The following PMF1 variants were observed in gnomAD, a reference collection of about 807,000 sequenced individuals.
The protein encoded by PMF1 is polyamine modulated factor 1.
A neutral mutation model predicts 26.7 loss-of-function variants in PMF1; 21 were observed. The ratio of observed to expected loss-of-function variants is 0.79; its 90% CI spans 0.56 to 1.13. The LOEUF (loss-of-function observed/expected upper bound fraction) is 1.13. Among genes scored for constraint, PMF1 ranks in the 50% most tolerant of loss-of-function variants. The probability of loss-of-function intolerance (pLI) is 0.00; values close to 1 mark genes in which losing one functional copy is unlikely to be tolerated. For missense variants in PMF1, 266 were observed against 254.9 expected (o/e 1.04, Z -0.30); for synonymous variants, 105 against 101.0 (o/e 1.04, Z -0.24).
rs772709878 is a variant in PMF1 at position 156,228,256 on chromosome 1, A to ATTTTTTTTTTTT, written c.162-4043_162-4032dup. On this transcript the variant is annotated intron_variant, in intron 1 of 4. Coordinates refer to ENST00000368277, the MANE Select transcript of PMF1 (RefSeq NM_007221.4). Reference sequence around the variant, plus strand: ...CAGGCGTGAGCCACCGCACCTGGCGATTTTTTTTTTTTTTTTTTTTTTTTT... The same window carrying ATTTTTTTTTTTT: ...CAGGCGTGAGCCACCGCACCTGGCGATTTTTTTTTTTTTTTTTTTTTTTTTTTTTTTTTTTTT... Among the ~76,000 whole-genome samples, 11 of 33,566 alleles carry ATTTTTTTTTTTT rather than the reference A, an allele frequency of 3.3e-4. 2 individuals are homozygous for ATTTTTTTTTTTT. Among genetic ancestry groups the ATTTTTTTTTTTT allele is most frequent in the Non-Finnish European group, 4.6e-4 (8 of 17,476 alleles). 22.0% of individuals were successfully genotyped at this position (33,566 alleles called of 152,430 possible).
At chr1:156,231,209 T>C (rs1572498690) in intron 1 of PMF1, among the ~76,000 whole-genome samples, 2 of 81,496 alleles carry the variant, frequency 2.5e-5, no homozygotes, top group Non-Finnish European at 4.2e-5. Flanking sequence ...AGAGCAAGAC[T>C]CCATCTCAAA....
intron 1 of PMF1, among the ~76,000 whole-genome samples, chr1:156,214,548 C>T (rs1015641820): frequency 1.3e-4 from 20 of 152,118 alleles, no homozygotes; most frequent in South Asian, 6.2e-4. Flanking sequence ...TGCGTAGAGA[C>T]GCCAACAACA....
At chr1:156,224,163 T>A (rs963701306) in intron 1 of PMF1, among the ~76,000 whole-genome samples, 3 of 152,174 alleles carry the variant, frequency 2.0e-5, no homozygotes, top group Non-Finnish European at 4.4e-5. Context: ...AGGATTAATT[T>A]TAAGTATTTA....
At chr1:156,220,619 T>C (rs920081137) in intron 1 of PMF1, 5 of 152,132 alleles carry the variant, frequency 3.3e-5, no homozygotes. Flanking sequence ...TTTGGAGATA[T>C]ATACATGTAT....
intron 4 of PMF1, among the ~76,000 whole-genome samples, chr1:156,237,549 C>T (rs1174037330): frequency 1.4e-5 from 2 of 148,124 alleles, no homozygotes; most frequent in Non-Finnish European, 3.0e-5. Context: ...CAGGTTCAAG[C>T]CATTCTCATG....
intron 1 of PMF1, among the ~76,000 whole-genome samples, chr1:156,221,780 T>C (rs1320292267): frequency 1.3e-5 from 2 of 152,242 alleles, no homozygotes; most frequent in Non-Finnish European, 2.9e-5. Context: ...CTGAGTTGGT[T>C]GAAGGAATTA....
chr1:156,239,525 C>T, intron 4 of PMF1, 23 bp from the exon 5 acceptor site: 3 of 1,607,904 alleles, frequency 1.9e-6, no homozygotes, highest in Non-Finnish European at 2.6e-6. Context: ...CCCAGTTTGT[C>T]TGTTGTCTCC....
intron 1 of PMF1, among the ~76,000 whole-genome samples, chr1:156,229,115 A>G (rs145191778): frequency 0.012 from 1,900 of 152,054 alleles, 34 homozygotes; most frequent in African/African-American, 0.044. Context: ...TCACCATGTT[A>G]GCCAGGATGG....
intron 2 of PMF1, 57 bp downstream of exon 2, chr1:156,232,482 C>T: frequency 6.4e-7 from 1 of 1,562,150 alleles, no homozygotes; most frequent in Non-Finnish European, 8.8e-7. Context: ...TCCAGATTGT[C>T]AGTCCCCTGA....
intron 1 of PMF1, among the ~76,000 whole-genome samples, chr1:156,230,794 G>T (rs1321483413): frequency 6.6e-6 from 1 of 152,178 alleles, no homozygotes; most frequent in Non-Finnish European, 1.5e-5. Flanking sequence ...GGGCATGATG[G>T]CTCACCCCTA....
rs1199555277 is a variant in PMF1 at position 156,214,859 on chromosome 1, G to GATT, written c.161+1708_161+1710dup. Among the ~76,000 whole-genome samples the GATT allele has an allele frequency of 3.4e-3, 510 of 149,388 alleles. 3 individuals are homozygous for GATT. The highest frequency in any genetic ancestry group is 5.9e-3 in the African/African-American group (239 of 40,342). On this transcript the variant is annotated intron_variant, in intron 1 of 4. Transcript: ENST00000368277. ...GAACTTGAAGGATGAGAAGGAACCA[G>GATT]ATTATTATTATTATTATTATTATTA...
intron 1 of PMF1, among the ~76,000 whole-genome samples, chr1:156,213,834 T>C (rs903164760): frequency 3.3e-5 from 5 of 152,242 alleles, no homozygotes; most frequent in African/African-American, 1.2e-4. Flanking sequence ...GAGAATATCT[T>C]CTTCACTGGG....
chr1:156,221,188 CT>C (rs1658061607), intron 1 of PMF1, among the ~76,000 whole-genome samples: 2 of 152,250 alleles, frequency 1.3e-5, no homozygotes, highest in East Asian at 3.9e-4. Flanking sequence ...TACTGAAAGC[CT>C]TCGGTGACTG....
chr1:156,217,555 G>A (rs998622604), intron 1 of PMF1, among the ~76,000 whole-genome samples: 3 of 151,832 alleles, frequency 2.0e-5, no homozygotes, highest in African/African-American at 4.8e-5. Context: ...GTGAAACCCC[G>A]TCTCTACTAA....
intron 1 of PMF1, among the ~76,000 whole-genome samples, chr1:156,218,086 T>C (rs1239421783): frequency 1.3e-5 from 2 of 152,246 alleles, no homozygotes; most frequent in Non-Finnish European, 2.9e-5. Context: ...GAAAGCGGTA[T>C]CTTGTTTTAA....
At chr1:156,233,290 A>G (rs1029182081) in intron 2 of PMF1, among the ~76,000 whole-genome samples, 1 of 150,364 alleles carries the variant, frequency 6.7e-6, no homozygotes, top group Non-Finnish European at 1.5e-5. Context: ...AGTAGCTGGG[A>G]TGACAGCTGA....
At chr1:156,237,767 C>A (rs574619601) in intron 4 of PMF1, among the ~76,000 whole-genome samples, 3 of 145,882 alleles carry the variant, frequency 2.1e-5, no homozygotes, top group Admixed American at 6.8e-5. Context: ...TCTATTTCAA[C>A]TTTGTTTTTG....
At chr1:156,228,084 G>A (rs750277448) in intron 1 of PMF1, among the ~76,000 whole-genome samples, 2 of 151,540 alleles carry the variant, frequency 1.3e-5, no homozygotes, top group East Asian at 1.9e-4. Context: ...ACAGACATGC[G>A]CTACCACACC....
intron 4 of PMF1, 113 bp downstream of exon 4, chr1:156,236,596 G>T: frequency 7.3e-7 from 1 of 1,364,542 alleles, no homozygotes; most frequent in Non-Finnish European, 9.8e-7. Flanking sequence ...GGGTAGGAGA[G>T]CTTGCCCCCT....
Sources: allele counts gnomAD v4.1 joint callset (sites outside exome capture counted in the v4.1 genomes callset), GRCh38; gene constraint gnomAD v4.1.1; transcripts MANE v1.5; gene names NCBI Gene and HGNC (gene_info 2026-07-23, HGNC 2026-07-21).